NECAB1: variants seen among roughly 807,000 people sequenced by gnomAD.
NECAB1 encodes the protein N-terminal EF-hand calcium binding protein 1.
Under a neutral mutation model 57.5 loss-of-function variants are expected in NECAB1, and 29 were observed. The ratio of observed to expected loss-of-function variants is 0.50; its 90% CI spans 0.38 to 0.69. The LOEUF is 0.69. NECAB1 is among the 30% of genes least tolerant of loss of function. The probability of loss-of-function intolerance (pLI) is 0.00; values close to 1 mark genes in which losing one functional copy is unlikely to be tolerated. For synonymous variants in NECAB1, 142 were observed against 147.7 expected (o/e 0.96, Z 0.28); for missense variants, 372 against 413.8 (o/e 0.90, Z 0.88).
chr8:90,940,498 G>C lies in NECAB1; in HGVS notation c.748-288G>C, dbSNP rs1469110814. The C allele has an allele frequency of 2.0e-5, 6 of 297,828 alleles. 1 individual carries two copies. Among genetic ancestry groups the C allele is most frequent in the Non-Finnish European group, 3.2e-5 (5 of 155,976 alleles). 18.4% of individuals were successfully genotyped at this position (297,828 alleles called of 1,614,324 possible). A position where few individuals can be genotyped will look rare whatever the true frequency, so the allele number is the denominator to read the frequency against. ...CCACTCCCAGAGATTTTGATATAAAGATAATTTTAAAACTTCTCGAGTCAT... is the reference window on the plus strand; with the variant it reads ...CCACTCCCAGAGATTTTGATATAAACATAATTTTAAAACTTCTCGAGTCAT... On this transcript the variant is annotated intron_variant, in intron 9 of 12. Transcript: ENST00000417640.
chr8:90,922,408 G>GATT, intron 6 of NECAB1, among the ~76,000 whole-genome samples: 1 of 150,568 alleles, frequency 6.6e-6, no homozygotes, highest in East Asian at 2.0e-4. Context: ...AGACAGCTTA[G>GATT]ATTTCCTTAG....
intron 3 of NECAB1, among the ~76,000 whole-genome samples, chr8:90,837,172 T>A (rs1178397103): frequency 6.6e-6 from 1 of 152,136 alleles, no homozygotes; most frequent in Non-Finnish European, 1.5e-5. Context: ...CGCAGGGAGG[T>A]CACCTGTGCT....
In NECAB1 at chr8:90,931,768, G is replaced by A. The variant is rs185503721; in HGVS notation, c.694-2536G>A. Among the ~76,000 whole-genome samples the A allele has an allele frequency of 1.3e-3, 200 of 152,238 alleles. 1 individual carries two copies. The highest frequency in any genetic ancestry group is 2.5e-3 in the Non-Finnish European group (173 of 68,024). On this transcript the variant is annotated intron_variant, in intron 8 of 12. Coordinates refer to ENST00000417640, the MANE Select transcript of NECAB1 (RefSeq NM_022351.5). ...AAAATACAAAAATTAACCAGGCGTG[G>A]TGGTGTGCGCCTGTAATCCCAGCTA... is the stretch of plus-strand genomic sequence containing the variant.
chr8:90,818,161 A>C (rs1437870588), intron 2 of NECAB1, among the ~76,000 whole-genome samples: 2 of 151,876 alleles, frequency 1.3e-5, no homozygotes, highest in Admixed American at 1.3e-4. Flanking sequence ...TTTGATATTG[A>C]TAATGTGTGT....
chr8:90,829,497 A>G, intron 3 of NECAB1, among the ~76,000 whole-genome samples: 1 of 152,082 alleles, frequency 6.6e-6, no homozygotes, highest in East Asian at 1.9e-4. Context: ...TTGTTAGGGT[A>G]CATCAAATGG....
At chr8:90,814,558 A>C (rs539792528) in intron 2 of NECAB1, among the ~76,000 whole-genome samples, 1 of 152,318 alleles carries the variant, frequency 6.6e-6, no homozygotes, top group Non-Finnish European at 1.5e-5. Flanking sequence ...TATTCACAAC[A>C]TTATGGACAC....
chr8:90,901,931 C>T (rs1054701016), intron 5 of NECAB1, among the ~76,000 whole-genome samples: 1 of 151,950 alleles, frequency 6.6e-6, no homozygotes, highest in African/African-American at 2.4e-5. Context: ...GTTAATGTTA[C>T]ATAAGTATTT....
intron 5 of NECAB1, among the ~76,000 whole-genome samples, chr8:90,902,204 G>C (rs1255525561): frequency 1.3e-5 from 2 of 152,204 alleles, no homozygotes; most frequent in Non-Finnish European, 2.9e-5. Context: ...TGGATCACTT[G>C]AGGTCAGGAG....
intron 1 of NECAB1, 32 bp downstream of exon 1, chr8:90,792,017 C>T: frequency 6.6e-7 from 1 of 1,511,804 alleles, no homozygotes; most frequent in African/African-American, 1.4e-5. Flanking sequence ...TGGGCGGTTG[C>T]TTCCCAGCAC....
intron 2 of NECAB1, among the ~76,000 whole-genome samples, chr8:90,803,273 GAT>G (rs1811791408): frequency 1.3e-5 from 2 of 152,140 alleles, no homozygotes; most frequent in Admixed American, 6.6e-5. Flanking sequence ...TCTTTTGCCT[GAT>G]ATCCAGCCCC....
chr8:90,912,814 T>C (rs1809860342), intron 5 of NECAB1, among the ~76,000 whole-genome samples: 1 of 152,224 alleles, frequency 6.6e-6, no homozygotes, highest in Non-Finnish European at 1.5e-5. Flanking sequence ...GCCCACTTAG[T>C]ATTTTAAAAA....
intron 10 of NECAB1, among the ~76,000 whole-genome samples, chr8:90,949,139 A>G (rs1364780278): frequency 6.9e-6 from 1 of 145,108 alleles, no homozygotes; most frequent in African/African-American, 2.6e-5. Flanking sequence ...CAGAGACAAC[A>G]GGCACTTTGT....
chr8:90,925,778 A>C, intron 7 of NECAB1, 122 bp downstream of exon 7: 1 of 1,315,048 alleles, frequency 7.6e-7, no homozygotes, highest in Non-Finnish European at 1.0e-6. Context: ...ATACCAAGTA[A>C]GTTTGAGACA....
intron 5 of NECAB1, among the ~76,000 whole-genome samples, chr8:90,907,145 TGTGTGTGAGAGAGAGAGAGA>T (rs1268809000): frequency 9.6e-6 from 1 of 104,182 alleles, no homozygotes; most frequent in African/African-American, 4.9e-5. Context: ...TGTGTGTGTG[TGTGTGTGAGAGAGAGAGAGA>T]GAGAGAGAGA....
chr8:90,880,810 C>T lies in NECAB1; in HGVS notation c.260-223C>T, dbSNP rs536235960. Among the ~76,000 whole-genome samples the T allele has an allele frequency of 5.3e-5, 8 of 152,164 alleles. No individual in the cohort carries two copies. The South Asian group carries it at 1.7e-3, about 32-fold the overall frequency. On this transcript the variant is annotated intron_variant, in intron 4 of 12. Transcript: ENST00000417640. The stretch of plus-strand genomic sequence containing the variant: ...ACTTTTGTAGGAAGGAACATTTCTT[C>T]AAGGATAATGGTAATCATTCAGATT...
chr8:90,826,736 C>A (rs531615463), intron 3 of NECAB1, among the ~76,000 whole-genome samples: 6 of 151,436 alleles, frequency 4.0e-5, no homozygotes, highest in Non-Finnish European at 8.9e-5. Flanking sequence ...TTTATTCATA[C>A]TAATGAAAAA....
intron 4 of NECAB1, among the ~76,000 whole-genome samples, chr8:90,875,131 A>G (rs553375041): frequency 6.6e-6 from 1 of 152,322 alleles, no homozygotes; most frequent in East Asian, 1.9e-4. Flanking sequence ...GACTGTTTTC[A>G]TAACCTTACT....
At chr8:90,806,203 C>T (rs566342324) in intron 2 of NECAB1, among the ~76,000 whole-genome samples, 51 of 152,170 alleles carry the variant, frequency 3.4e-4, no homozygotes, top group Non-Finnish European at 6.5e-4. Flanking sequence ...ATGGGTGGCA[C>T]AATTGATCCC....
intron 7 of NECAB1, 87 bp from the exon 8 acceptor site, chr8:90,928,135 AG>A: frequency 1.0e-6 from 1 of 974,162 alleles, no homozygotes; most frequent in East Asian, 2.5e-5. Context: ...TCTTTCCTTC[AG>A]GGTTGAAGGA....
Sources: gnomAD v4.1 joint callset for allele counts (sites outside exome capture counted in the v4.1 genomes callset) on GRCh38, gnomAD v4.1.1 for gene constraint, MANE v1.5 for transcripts, NCBI Gene and HGNC (gene_info 2026-07-23, HGNC 2026-07-21) for gene names.